Variants in TRPM2 observed in about 807,000 individuals in gnomAD.
The protein encoded by TRPM2 is transient receptor potential cation channel subfamily M member 2.
A neutral mutation model predicts 174.0 loss-of-function variants in TRPM2; 161 were observed. That is an observed-to-expected ratio of 0.93 (90% CI 0.81 to 1.05). The LOEUF is 1.05. Among genes scored for constraint, TRPM2 ranks in the 50% least tolerant of loss-of-function variants. The pLI is 0.00. For missense variants in TRPM2, 2,057 were observed against 2,038.0 expected (o/e 1.01, Z -0.18); for synonymous variants, 954 against 861.3 (o/e 1.11, Z -1.88).
At chr21:44,428,077 G>A (rs529777831) in intron 27 of TRPM2, among the ~76,000 whole-genome samples, 32 of 152,254 alleles carry the variant, frequency 2.1e-4, no homozygotes, top group Admixed American at 9.1e-4. Flanking sequence ...GTGTCCATGC[G>A]GGCTTTAGTA....
chr21:44,377,477 T>C (rs1161454279), intron 6 of TRPM2, among the ~76,000 whole-genome samples: 1 of 152,090 alleles, frequency 6.6e-6, no homozygotes, highest in East Asian at 1.9e-4. Flanking sequence ...CCCCTGGGAA[T>C]GTGGAGCTTT....
chr21:44,381,348 A>C (rs1313501432), intron 8 of TRPM2, among the ~76,000 whole-genome samples: 1 of 151,814 alleles, frequency 6.6e-6, no homozygotes. Flanking sequence ...AGGAGGAGTA[A>C]CTGTAGTAGA....
chr21:44,404,659 G>A (rs2049800509), intron 16 of TRPM2, among the ~76,000 whole-genome samples: 1 of 152,150 alleles, frequency 6.6e-6, no homozygotes, highest in Non-Finnish European at 1.5e-5. Flanking sequence ...GACGGTGATA[G>A]TGATGATAGT....
rs374766989 is a variant in TRPM2, at chr21:44,374,693, C to T, written c.772-1140C>T. ...GTATTCCCATGAGAATCTAATGCCGCGGATCTGACAGGAGGTGGAGCTCGG... is the reference window on the plus strand; with the variant it reads ...GTATTCCCATGAGAATCTAATGCCGTGGATCTGACAGGAGGTGGAGCTCGG... On this transcript the variant is annotated intron_variant, in intron 5 of 31. Coordinates refer to ENST00000397928, the MANE Select transcript of TRPM2 (RefSeq NM_003307.4). Among the ~76,000 whole-genome samples, 8 of 152,226 alleles carry T rather than the reference C, an allele frequency of 5.3e-5. No homozygotes were observed. The South Asian group carries it at 6.2e-4, about 12-fold the overall frequency.
intron 21 of TRPM2, 43 bp from the exon 22 acceptor site, chr21:44,418,380 C>T: frequency 1.2e-6 from 2 of 1,605,154 alleles, no homozygotes; most frequent in East Asian, 2.2e-5. Context: ...GGCCCACCTC[C>T]TGAGGATTCC....
In TRPM2 at chr21:44,438,570, G is replaced by A. The variant is rs2051363785; in HGVS notation, c.4168-497G>A. Among the ~76,000 whole-genome samples, 1 of 152,176 alleles carries A rather than the reference G, an allele frequency of 6.6e-6. No individual in the cohort carries two copies. The highest frequency in any genetic ancestry group is 6.5e-5 in the Admixed American group (1 of 15,284). Reference sequence around the variant, plus strand: ...GGAAAGATGGGTGTGGGGAGGAGGAGGTGCAGGCCGGAGCTGGGTCCCTGA... The same window carrying A: ...GGAAAGATGGGTGTGGGGAGGAGGAAGTGCAGGCCGGAGCTGGGTCCCTGA... On this transcript the variant is annotated intron_variant, in intron 29 of 31. Coordinates refer to ENST00000397928, the MANE Select transcript of TRPM2 (RefSeq NM_003307.4). This position sits in a 1 kb window ranked among gnomAD's most constrained non-coding sequence, Gnocchi z 5.9.
Position 44,410,912 on chromosome 21 carries a change from C to G in TRPM2, c.2963-2979C>G, listed in dbSNP as rs561767271. On this transcript the variant is annotated intron_variant, in intron 19 of 31. Coordinates refer to ENST00000397928, the MANE Select transcript of TRPM2 (RefSeq NM_003307.4). The stretch of plus-strand genomic sequence containing the variant: ...GTTTTGACTGCACTGTCTTGGTTGG[C>G]GTAGCCTTGTAGTAAGTTTTGACCT... Among the ~76,000 whole-genome samples, 158 of 146,096 alleles carry G rather than the reference C, an allele frequency of 1.1e-3. 8 individuals are homozygous for G. The highest frequency in any genetic ancestry group is 1.9e-3 in the Non-Finnish European group (128 of 66,112).
In TRPM2 at chr21:44,353,690, G is replaced by A. The variant is rs1427215020; in HGVS notation, c.-11G>A. On this transcript the variant is annotated 5_prime_UTR_variant, in exon 1 of 32. Transcript: ENST00000397928. ...AGCAGGCCTGGTTGCAGCTGGCGTG[G>A]GGGTCTCAGAATGGAGCCCTCAGCC... The A allele has an allele frequency of 1.6e-5, 24 of 1,485,340 alleles. No homozygotes were observed. Among genetic ancestry groups the A allele is most frequent in the Non-Finnish European group, 2.1e-5 (23 of 1,120,648 alleles). The allele number at this position is 1,485,340 out of a possible 1,614,324, so 92.0% of individuals were successfully genotyped here.
intron 26 of TRPM2, 63 bp from the exon 27 acceptor site, chr21:44,426,947 G>C: frequency 6.7e-7 from 1 of 1,495,330 alleles, no homozygotes; most frequent in Non-Finnish European, 9.1e-7. Flanking sequence ...TGATCCCTCT[G>C]CCTGTCTGCT....
At chr21:44,424,729 C>T (rs1238237229) in intron 23 of TRPM2, 123 bp from the exon 24 acceptor site, 10 of 593,304 alleles carry the variant, frequency 1.7e-5, no homozygotes, top group South Asian at 1.3e-4. Context: ...TTTCAAAGGG[C>T]GCAGGGGCTG....
chr21:44,430,208 A>T (rs1409940411), intron 27 of TRPM2, among the ~76,000 whole-genome samples: 1 of 152,208 alleles, frequency 6.6e-6, no homozygotes, highest in African/African-American at 2.4e-5. Context: ...GAATTTGCCT[A>T]TAATTTATAT....
chr21:44,383,348 TG>T (rs1383940891), intron 9 of TRPM2, among the ~76,000 whole-genome samples: 2 of 152,220 alleles, frequency 1.3e-5, no homozygotes, highest in South Asian at 2.1e-4. Context: ...CTTACCCAGC[TG>T]GCACCTGACA....
Position 44,405,210 on chromosome 21 carries a change from T to C in TRPM2, c.2607T>C (p.Asn869=). The C allele has an allele frequency of 6.2e-7, 1 of 1,613,484 alleles. No homozygotes were observed. Among genetic ancestry groups the C allele is most frequent in the South Asian group, 1.1e-5 (1 of 91,088 alleles). The change falls in exon 17 of 32, where the codon AAT becomes AAC. Residue 869 remains asparagine (N), a synonymous_variant. Transcript: ENST00000397928. ...CCTTGTACTTCAGTGACTTCTGGAATAAGCTGGACGTCGGCGCAATCTTGC... is the reference window on the plus strand; with the variant it reads ...CCTTGTACTTCAGTGACTTCTGGAACAAGCTGGACGTCGGCGCAATCTTGC... ...KAALYFSDFW[N]KLDVGAILLF...
At chr21:44,403,998 A>T (rs571773313) in intron 16 of TRPM2, among the ~76,000 whole-genome samples, 3 of 151,410 alleles carry the variant, frequency 2.0e-5, no homozygotes, top group Non-Finnish European at 4.4e-5. Flanking sequence ...ACACACATAC[A>T]CATACACACA....
At chr21:44,425,513 T>C in intron 24 of TRPM2, 157 bp from the exon 25 acceptor site, 1 of 908,826 alleles carries the variant, frequency 1.1e-6, no homozygotes, top group African/African-American at 1.7e-5. Flanking sequence ...CCCTGCCCAC[T>C]TCAGAGCTGG....
At chr21:44,365,477 C>T (rs1036980135) in intron 3 of TRPM2, among the ~76,000 whole-genome samples, 3 of 152,204 alleles carry the variant, frequency 2.0e-5, no homozygotes, top group Non-Finnish European at 4.4e-5. Context: ...CACCATGACA[C>T]GTGGGTGTTC....
intron 9 of TRPM2, 111 bp downstream of exon 9, chr21:44,382,931 C>T: frequency 8.5e-7 from 1 of 1,178,824 alleles, no homozygotes; most frequent in Non-Finnish European, 1.2e-6. Context: ...AATATTCCTC[C>T]TTGGTCAGAA....
chr21:44,371,789 C>T (rs2048549066), intron 5 of TRPM2, among the ~76,000 whole-genome samples: 1 of 152,240 alleles, frequency 6.6e-6, no homozygotes, highest in South Asian at 2.1e-4. Context: ...GGTCCTCCCT[C>T]TGACCTCAAA....
In TRPM2 at chr21:44,354,785, C is replaced by G. The variant is rs756322450; in HGVS notation, c.254+49C>G. On this transcript the variant is annotated intron_variant, in intron 2 of 31. Coordinates refer to ENST00000397928, the MANE Select transcript of TRPM2 (RefSeq NM_003307.4). This position sits in a 1 kb window ranked among gnomAD's most constrained non-coding sequence, Gnocchi z 4.3. ...AGACCTCTGACTTCTTCCTTCCGAT[C>G]CCACATGGAGTAGCTGATCAGGCCA... is the stretch of plus-strand genomic sequence containing the variant. 1 of 1,562,624 alleles carries G rather than the reference C, an allele frequency of 6.4e-7. No homozygotes were observed. Among genetic ancestry groups the G allele is most frequent in the South Asian group, 1.1e-5 (1 of 90,016 alleles).
Sources: gnomAD v4.1 joint callset for allele counts (sites outside exome capture counted in the v4.1 genomes callset) on GRCh38, gnomAD v4.1.1 for gene constraint, Gnocchi (gnomAD v3.1) non-coding constraint, MANE v1.5 for transcripts, NCBI Gene and HGNC (gene_info 2026-07-23, HGNC 2026-07-21) for gene names.